MAML3: variants seen among roughly 807,000 people sequenced by gnomAD.
MAML3 encodes the protein mastermind like transcriptional coactivator 3.
MAML3 carries 27 observed loss-of-function variants against 101.9 expected under a neutral mutation model. That is an observed-to-expected ratio of 0.27 (90% CI 0.20 to 0.37). MAML3 has a LOEUF of 0.37. Among genes scored for constraint, MAML3 ranks in the 10% least tolerant of loss-of-function variants. The pLI is 1.00. For synonymous variants in MAML3, 501 were observed against 555.9 expected, an observed-to-expected ratio of 0.90 and a Z score of 1.39; for missense variants, 1,316 against 1,444.9, an observed-to-expected ratio of 0.91 and a Z score of 1.45.
At chr4:140,100,250 G>T (rs1000459172) in intron 1 of MAML3, among the ~76,000 whole-genome samples, 1 of 152,066 alleles carries the variant, frequency 6.6e-6, no homozygotes, top group Admixed American at 6.6e-5. Context: ...GATTTCCTCT[G>T]CTGACTCAAG....
At chr4:139,906,513 T>C (rs751969234) in intron 1 of MAML3, among the ~76,000 whole-genome samples, 1 of 152,188 alleles carries the variant, frequency 6.6e-6, no homozygotes, top group South Asian at 2.1e-4. Flanking sequence ...AATCGAGGCA[T>C]AGAGACCAGG....
At chr4:139,745,776 T>C (rs1377080012) in intron 2 of MAML3, among the ~76,000 whole-genome samples, 2 of 152,232 alleles carry the variant, frequency 1.3e-5, no homozygotes, top group Non-Finnish European at 2.9e-5. Flanking sequence ...GTATACAGGA[T>C]TTTAAACATA....
At chr4:140,112,968 T>G (rs182931886) in intron 1 of MAML3, among the ~76,000 whole-genome samples, 13 of 152,310 alleles carry the variant, frequency 8.5e-5, no homozygotes. Context: ...CTGAAGTCTA[T>G]AATATTTTAT....
chr4:139,767,092 C>T (rs1017723440), intron 2 of MAML3, among the ~76,000 whole-genome samples: 5 of 152,178 alleles, frequency 3.3e-5, no homozygotes, highest in Non-Finnish European at 7.4e-5. Flanking sequence ...TCCTTTGCCT[C>T]CCAAGGAAAC....
rs143188252 is a variant in MAML3 at position 140,048,385 on chromosome 4, G to T, written c.468+104475C>A. Among the ~76,000 whole-genome samples, 174 of 152,280 alleles carry T rather than the reference G, an allele frequency of 1.1e-3. 1 individual carries two copies. Among genetic ancestry groups the T allele is most frequent in the African/African-American group, 3.8e-3 (158 of 41,558 alleles). ...CAAATAATAAAGCCATCTCCAAAAG[G>T]TCAGGAGAAATTTATTGGGAACCTA... On this transcript the variant is annotated intron_variant, in intron 1 of 4. Transcript: ENST00000509479.
At chr4:139,925,583 C>A (rs1733206731) in intron 1 of MAML3, among the ~76,000 whole-genome samples, 1 of 152,014 alleles carries the variant, frequency 6.6e-6, no homozygotes, top group Admixed American at 6.6e-5. Context: ...AAGGTGTTGT[C>A]CAAAAACTGA....
intron 1 of MAML3, among the ~76,000 whole-genome samples, chr4:140,089,213 T>C (rs999676013): frequency 3.3e-5 from 5 of 152,226 alleles, no homozygotes; most frequent in African/African-American, 1.2e-4. Context: ...ATCCATATAC[T>C]TTCTAAAGAA....
intron 1 of MAML3, among the ~76,000 whole-genome samples, chr4:140,078,485 G>C (rs1436075634): frequency 6.6e-6 from 1 of 152,108 alleles, no homozygotes; most frequent in Non-Finnish European, 1.5e-5. Flanking sequence ...GGTAATCAGA[G>C]AAGGCCACTC....
chr4:140,085,570 C>T (rs913923517), intron 1 of MAML3, among the ~76,000 whole-genome samples: 2 of 152,178 alleles, frequency 1.3e-5, no homozygotes, highest in Non-Finnish European at 2.9e-5. Context: ...CCATTCTCTG[C>T]GCCCTTATGC....
chr4:139,851,580 A>G (rs76067229), intron 2 of MAML3, among the ~76,000 whole-genome samples: 5,086 of 152,316 alleles, frequency 0.033, 262 homozygotes, highest in African/African-American at 0.11. Context: ...TAAACAGAGG[A>G]CCATGTTCCT....
At chr4:140,108,526 T>C (rs1208044192) in intron 1 of MAML3, among the ~76,000 whole-genome samples, 2 of 150,926 alleles carry the variant, frequency 1.3e-5, no homozygotes, top group African/African-American at 4.9e-5. Flanking sequence ...TGCGAAATGA[T>C]AATGGTATAT....
At chr4:139,826,022 C>T (rs996625588) in intron 2 of MAML3, among the ~76,000 whole-genome samples, 2 of 152,062 alleles carry the variant, frequency 1.3e-5, no homozygotes, top group African/African-American at 2.4e-5. Context: ...TCCATGGGAG[C>T]CCTGTGGGAG....
chr4:139,975,125 A>G (rs549284082), intron 1 of MAML3, among the ~76,000 whole-genome samples: 127 of 152,230 alleles, frequency 8.3e-4, no homozygotes, highest in Admixed American at 2.2e-3. Flanking sequence ...CATCTCTCTC[A>G]GATAAAAGCC....
intron 1 of MAML3, among the ~76,000 whole-genome samples, chr4:139,893,870 C>A (rs987369425): frequency 1.3e-5 from 2 of 152,100 alleles, no homozygotes; most frequent in Non-Finnish European, 2.9e-5. Flanking sequence ...AGAATAGCTA[C>A]TGGGGAGATG....
intron 2 of MAML3, among the ~76,000 whole-genome samples, chr4:139,799,399 C>T (rs569380752): frequency 6.6e-6 from 1 of 152,294 alleles, no homozygotes; most frequent in South Asian, 2.1e-4. Context: ...ATTCTACTTT[C>T]AAGGTTGAAA....
intron 2 of MAML3, among the ~76,000 whole-genome samples, chr4:139,799,759 A>G (rs557513993): frequency 7.5e-4 from 114 of 152,288 alleles, no homozygotes; most frequent in African/African-American, 2.6e-3. Flanking sequence ...TTTTGAATCA[A>G]CCAATTCCCT....
At chr4:139,828,732 T>TAAAAAA (rs529918429) in intron 2 of MAML3, among the ~76,000 whole-genome samples, 43,475 of 144,022 alleles carry the variant, frequency 0.3, 7,104 homozygotes, top group Admixed American at 0.4. Flanking sequence ...TTTTTTTTTT[T>TAAAAAA]AAAAACATAG....
At chr4:139,916,916 C>T (rs1733039615) in intron 1 of MAML3, among the ~76,000 whole-genome samples, 1 of 152,058 alleles carries the variant, frequency 6.6e-6, no homozygotes, top group Non-Finnish European at 1.5e-5. Flanking sequence ...CGTACAATAC[C>T]ATAATAAAAT....
At position 140,019,487 on chromosome 4, in the gene MAML3, G is replaced by A. The variant is rs538350154; in HGVS notation, c.469-128520C>T. ...AATACCTAATGAGTGAGGAATGAAT[G>A]CATGAACAAATAGACTCTTAAGCCT... On this transcript the variant is annotated intron_variant, in intron 1 of 4. Transcript: ENST00000509479. Among the ~76,000 whole-genome samples, 13 of 152,348 alleles carry A rather than the reference G, an allele frequency of 8.5e-5. No homozygotes were observed. The South Asian group carries it at 2.7e-3, about 32-fold the overall frequency.
Sources: gnomAD v4.1 joint callset for allele counts (sites outside exome capture counted in the v4.1 genomes callset) on GRCh38, gnomAD v4.1.1 for gene constraint, MANE v1.5 for transcripts, NCBI Gene and HGNC (gene_info 2026-07-23, HGNC 2026-07-21) for gene names.